ZMYM2: variants seen among roughly 807,000 people sequenced by gnomAD.
ZMYM2 encodes zinc finger MYM-type protein 2.
Under a neutral mutation model 162.8 loss-of-function variants are expected in ZMYM2, and 56 were observed. The ratio of observed to expected loss-of-function variants is 0.34; its 90% CI spans 0.28 to 0.43. The LOEUF (loss-of-function observed/expected upper bound fraction) is 0.43, where lower values mean the gene tolerates loss of function less well. Ranked by LOEUF, ZMYM2 falls within the 20% of genes least tolerant of loss-of-function variation. The probability of loss-of-function intolerance (pLI) is 1.00; values close to 1 mark genes in which losing one functional copy is unlikely to be tolerated. For missense variants in ZMYM2, 1,275 were observed against 1,621.8 expected, an observed-to-expected ratio of 0.79 and a Z score of 3.67; for synonymous variants, 510 against 541.6, an observed-to-expected ratio of 0.94 and a Z score of 0.81.
At chr13:20,063,972 T>A (rs4495975) in intron 18 of ZMYM2, among the ~76,000 whole-genome samples, 120,328 of 144,666 alleles carry the variant, frequency 0.83, 51,205 homozygotes, top group Non-Finnish European at 0.92. Context: ...AGCTTTTTTT[T>A]AAGATCCTTT....
At chr13:20,058,801 AT>A (rs777008180) in intron 15 of ZMYM2, 97 bp downstream of exon 15, 1 of 1,473,002 alleles carries the variant, frequency 6.8e-7, no homozygotes, top group East Asian at 2.3e-5. Context: ...GGATAGATTC[AT>A]TTGGTCAATT....
chr13:19,870,580 T>TTCCTTCCTTCCTTCCTTCCTTCCTTCC, the ZMYM2 span, among the ~76,000 whole-genome samples: 14 of 132,146 alleles, frequency 1.1e-4, no homozygotes, highest in African/African-American at 4.1e-4. Flanking sequence ...CCTTCTTTCC[T>TTCCTTCCTTCCTTCCTTCCTTCCTTCC]TTCCTTCCTT....
intron 2 of ZMYM2, among the ~76,000 whole-genome samples, chr13:19,977,790 A>G (rs762436640): frequency 6.7e-6 from 1 of 150,030 alleles, no homozygotes; most frequent in African/African-American, 2.5e-5. Context: ...GCGCCCAGCC[A>G]ACCCTTTCCA....
the ZMYM2 span, among the ~76,000 whole-genome samples, chr13:19,881,999 AAAAT>A: frequency 0.022 from 2,934 of 131,732 alleles, 52 homozygotes; most frequent in South Asian, 0.085. Context: ...AAAAAAAAAA[AAAAT>A]TTGTATATTT....
rs912158137 is a variant in ZMYM2, at chr13:20,087,882, T to A, written c.*1868T>A. On this transcript the variant is annotated 3_prime_UTR_variant, in exon 25 of 25. Transcript: ENST00000610343. ...TAACTTACCTTTTTCCAGAACTACT[T>A]CTTTAAGCACTTTTCCTATTAATGC... 7 of 188,932 alleles carry A rather than the reference T, an allele frequency of 3.7e-5. No individual in the cohort carries two copies. The highest frequency in any genetic ancestry group is 1.9e-4 in the South Asian group (1 of 5,154). 11.7% of individuals were successfully genotyped at this position (188,932 alleles called of 1,614,324 possible).
the ZMYM2 span, among the ~76,000 whole-genome samples, chr13:19,886,313 C>T: frequency 4.0e-5 from 6 of 151,090 alleles, no homozygotes; most frequent in Non-Finnish European, 7.4e-5. Flanking sequence ...TACAGGCGTA[C>T]ACCACCACAC....
chr13:19,910,150 C>T, the ZMYM2 span, among the ~76,000 whole-genome samples: 6,026 of 151,894 alleles, frequency 0.04, 161 homozygotes, highest in Middle Eastern at 0.082. Flanking sequence ...TGGCGTGAAC[C>T]CGGGAGGCGG....
rs746492744 is a variant in ZMYM2, at chr13:20,082,749, T to C, written c.3569-32T>C. The C allele has an allele frequency of 4.8e-6, 7 of 1,465,052 alleles. No homozygotes were observed. In the South Asian group the frequency reaches 7.0e-5, roughly 15 times the overall value. The allele number at this position is 1,465,052 out of a possible 1,614,324, so 90.8% of individuals were successfully genotyped here. On this transcript the variant is annotated intron_variant, in intron 22 of 24. Coordinates refer to ENST00000610343, the MANE Select transcript of ZMYM2 (RefSeq NM_197968.4). Reference sequence around the variant, plus strand: ...GTTAAATGAAAACTTTTATTTATTATAATTCTTTTAAAATAGTTCTCTCTA... The same window carrying C: ...GTTAAATGAAAACTTTTATTTATTACAATTCTTTTAAAATAGTTCTCTCTA...
At chr13:19,950,839 G>T in the ZMYM2 span, among the ~76,000 whole-genome samples, 6 of 152,178 alleles carry the variant, frequency 3.9e-5, no homozygotes, top group Non-Finnish European at 7.3e-5. Flanking sequence ...TGATGGGAAG[G>T]ATCTTGGAAA....
intron 12 of ZMYM2, among the ~76,000 whole-genome samples, chr13:20,047,182 C>T (rs1297588198): frequency 6.6e-6 from 1 of 152,198 alleles, no homozygotes; most frequent in Non-Finnish European, 1.5e-5. Flanking sequence ...TCTCTTCATT[C>T]ATCCTTGGTT....
rs755139918 is a variant in ZMYM2, at chr13:20,034,258, A to C, written c.1973A>C (p.Lys658Thr). 3 of 1,586,830 alleles carry C rather than the reference A, an allele frequency of 1.9e-6. No individual in the cohort carries two copies. Among genetic ancestry groups the C allele is most frequent in the South Asian group, 1.2e-5 (1 of 85,330 alleles). The stretch of plus-strand genomic sequence containing the variant: ...AGGTTCCCATTGTGCATTTAGAACA[A>C]AGTGCATCAGTTCTGCAGCAAAACT... ...SKPEILEWEN[K>T]VHQFCSKTCS... The change falls in exon 11 of 25, where the codon AAA becomes ACA. Residue 658 changes from lysine to threonine, a missense_variant. Physicochemically the swap from Lys to Thr is moderately conservative, Grantham distance 78. Transcript: ENST00000610343.
chr13:20,038,531 C>G lies in ZMYM2; in HGVS notation c.2292+1622C>G, dbSNP rs558201628. ...AGCACCGTTGATTGAATAGGGAATC[C>G]TTTTCTCATTGCTTGTTTTTGTCAG... On this transcript the variant is annotated intron_variant, in intron 12 of 24. Coordinates refer to ENST00000610343, the MANE Select transcript of ZMYM2 (RefSeq NM_197968.4). 3.3e-5 allele frequency among the ~76,000 whole-genome samples: 5 copies of G among 152,162 alleles called. No homozygotes were observed. In the South Asian group the frequency reaches 1.0e-3, roughly 32 times the overall value.
intron 14 of ZMYM2, among the ~76,000 whole-genome samples, chr13:20,053,509 G>T (rs1011190834): frequency 6.6e-6 from 1 of 152,008 alleles, no homozygotes; most frequent in African/African-American, 2.4e-5. Context: ...AAAATTAGCC[G>T]GGCGTGGTGG....
chr13:19,912,291 G>GTTTTTTTTTTTTTTTTTTTTTTT, the ZMYM2 span, among the ~76,000 whole-genome samples: 2 of 116,320 alleles, frequency 1.7e-5, no homozygotes, highest in Non-Finnish European at 3.6e-5. Context: ...CTGTTTTTTG[G>GTTTTTTTTTTTTTTTTTTTTTTT]GTTTTTTTTT....
chr13:19,964,700 T>C (rs539565622), intron 2 of ZMYM2, among the ~76,000 whole-genome samples: 2 of 152,326 alleles, frequency 1.3e-5, no homozygotes, highest in East Asian at 3.9e-4. Flanking sequence ...TTTTCTCTCT[T>C]TTTCAGAGGG....
At chr13:19,922,564 G>T in the ZMYM2 span, among the ~76,000 whole-genome samples, 3 of 152,140 alleles carry the variant, frequency 2.0e-5, no homozygotes, top group Non-Finnish European at 1.5e-5. Flanking sequence ...CCAGTGGTTG[G>T]CCGGATGTCG....
Position 19,974,677 on chromosome 13 carries a change from G to T in ZMYM2, c.-11+14651G>T, listed in dbSNP as rs189533032. ...AGTAGAGATGGGGTTTCACCATGTG[G>T]GCCAGGCTGATCTCTAACTCCTGAC... On this transcript the variant is annotated intron_variant, in intron 2 of 24. Transcript: ENST00000610343. Among the ~76,000 whole-genome samples, 524 of 152,026 alleles carry T rather than the reference G, an allele frequency of 3.4e-3. 13 individuals are homozygous for T. In the East Asian group the frequency reaches 0.054, roughly 16 times the overall value.
chr13:20,087,757 G>A lies in ZMYM2; in HGVS notation c.*1743G>A, dbSNP rs1958354980. ...TTGTTGAGTGATAATCAGACTGATA[G>A]TAGCAAATCTGATCATACATTACTA... On this transcript the variant is annotated 3_prime_UTR_variant, in exon 25 of 25. Coordinates refer to ENST00000610343, the MANE Select transcript of ZMYM2 (RefSeq NM_197968.4). 1 of 186,324 alleles carries A rather than the reference G, an allele frequency of 5.4e-6. No individual in the cohort carries two copies. The highest frequency in any genetic ancestry group is 2.3e-5 in the African/African-American group (1 of 42,736). 11.5% of individuals were successfully genotyped at this position (186,324 alleles called of 1,614,324 possible).
the ZMYM2 span, among the ~76,000 whole-genome samples, chr13:19,884,222 A>G: frequency 6.6e-6 from 1 of 152,204 alleles, no homozygotes; most frequent in Middle Eastern, 3.4e-3. Context: ...TTTAAAAATT[A>G]GCCAAGCACA....
Sources: gnomAD v4.1 joint callset for allele counts (sites outside exome capture counted in the v4.1 genomes callset) on GRCh38, gnomAD v4.1.1 for gene constraint, MANE v1.5 for transcripts, NCBI Gene and HGNC (gene_info 2026-07-23, HGNC 2026-07-21) for gene names.